The following CCND2 variants were observed in gnomAD, a reference collection of about 807,000 sequenced individuals.
CCND2 encodes the protein G1/S-specific cyclin-D2.
CCND2 carries 6 observed loss-of-function variants against 30.2 expected under a neutral mutation model. That is an observed-to-expected ratio of 0.20 (90% confidence interval 0.11 to 0.39). The LOEUF (loss-of-function observed/expected upper bound fraction) is 0.39, where lower values mean the gene tolerates loss of function less well. CCND2 is among the 10% of genes least tolerant of loss of function. CCND2 has a pLI of 1.00. For missense variants in CCND2, 235 were observed against 373.4 expected (o/e 0.63, Z 3.06); for synonymous variants, 150 against 153.1 (o/e 0.98, Z 0.15).
chr12:4,290,300 T>C (rs185446886), intron 4 of CCND2, among the ~76,000 whole-genome samples: 15 of 152,270 alleles, frequency 9.9e-5, no homozygotes, highest in African/African-American at 3.6e-4. Context: ...AGTTCGTAGA[T>C]ATGGTTTTAA....
intron 4 of CCND2, among the ~76,000 whole-genome samples, chr12:4,291,971 AG>A (rs1434358763): frequency 1.3e-5 from 2 of 152,198 alleles, no homozygotes; most frequent in African/African-American, 4.8e-5. Flanking sequence ...ATGGGGAGTT[AG>A]TGTTTAATGC....
intron 4 of CCND2, among the ~76,000 whole-genome samples, chr12:4,292,043 A>G (rs1228281244): frequency 6.6e-6 from 1 of 152,174 alleles, no homozygotes; most frequent in African/African-American, 2.4e-5. Context: ...TCTGATGGCC[A>G]CACAGCAGTG....
intron 4 of CCND2, among the ~76,000 whole-genome samples, chr12:4,298,788 T>A (rs1395449934): frequency 2.0e-5 from 3 of 152,194 alleles, no homozygotes; most frequent in Non-Finnish European, 4.4e-5. Context: ...AGTCTACGGT[T>A]TGCACCCTCT....
At chr12:4,291,062 C>T (rs114553471) in intron 4 of CCND2, among the ~76,000 whole-genome samples, 147 of 152,232 alleles carry the variant, frequency 9.7e-4, no homozygotes, top group African/African-American at 3.2e-3. Context: ...AGAGTGAACG[C>T]GGTGAAATGT....
At position 4,300,180 on chromosome 12, in the gene CCND2, C is replaced by T. The variant is rs143104448; in HGVS notation, c.*171C>T. The T allele has an allele frequency of 2.8e-3, 1,754 of 637,216 alleles. 7 individuals are homozygous for T. The highest frequency in any genetic ancestry group is 2.5e-3 in the Non-Finnish European group (987 of 387,072). 39.5% of individuals were successfully genotyped at this position (637,216 alleles called of 1,614,324 possible). A position where few individuals can be genotyped will look rare whatever the true frequency, so the allele number is the denominator to read the frequency against. On this transcript the variant is annotated 3_prime_UTR_variant, in exon 5 of 5. Transcript: ENST00000261254. The stretch of plus-strand genomic sequence containing the variant: ...GTGAGAGAAAAAGGTCCTACGAAAA[C>T]GGAATAATAAAAAGCATTTGGTGCC...
rs1459579393 is a variant in CCND2, at chr12:4,282,651, C to A, written c.571+3732C>A. Among the ~76,000 whole-genome samples, 8 of 152,170 alleles carry A rather than the reference C, an allele frequency of 5.3e-5. No individual in the cohort carries two copies. Among genetic ancestry groups the A allele is most frequent in the Non-Finnish European group, 1.2e-4 (8 of 68,014 alleles). On this transcript the variant is annotated intron_variant, in intron 3 of 4. Transcript: ENST00000261254. This position sits in a 1 kb window ranked among gnomAD's most constrained non-coding sequence, Gnocchi z 4.3. ...TAGCATGCCCTGTGGGGACAAGCAGCCAGGCAGTGTGGTGCTTGCCATCGC... is the reference window on the plus strand; with the variant it reads ...TAGCATGCCCTGTGGGGACAAGCAGACAGGCAGTGTGGTGCTTGCCATCGC...
At chr12:4,291,207 C>CTGTGTGTGTG (rs1320194012) in intron 4 of CCND2, among the ~76,000 whole-genome samples, 16,746 of 138,696 alleles carry the variant, frequency 0.12, 1,106 homozygotes, top group African/African-American at 0.13. Context: ...CTGGGCTAGG[C>CTGTGTGTGTG]TGTGTGTGTG....
At position 4,300,732 on chromosome 12, in the gene CCND2, T is replaced by C. The variant is rs10849029; in HGVS notation, c.*723T>C. On this transcript the variant is annotated 3_prime_UTR_variant, in exon 5 of 5. Transcript: ENST00000261254. ...TCCTGCTTCTTCTTCCAAATGCAGT[T>C]CATTGCAGACACCACCATATTGCTA... 1 of 233,758 alleles carries C rather than the reference T, an allele frequency of 4.3e-6. No homozygotes were observed. Among genetic ancestry groups the C allele is most frequent in the East Asian group, 6.0e-5 (1 of 16,592 alleles). 14.5% of individuals were successfully genotyped at this position (233,758 alleles called of 1,614,324 possible). A position where few individuals can be genotyped will look rare whatever the true frequency, so the allele number is the denominator to read the frequency against.
intron 4 of CCND2, among the ~76,000 whole-genome samples, chr12:4,295,731 C>T (rs1014060119): frequency 1.3e-5 from 2 of 152,138 alleles, no homozygotes; most frequent in South Asian, 2.1e-4. Context: ...GAGCCGAGAT[C>T]GCACCATTGC....
chr12:4,284,869 G>A (rs1864001345), intron 3 of CCND2, among the ~76,000 whole-genome samples: 1 of 151,724 alleles, frequency 6.6e-6, no homozygotes, highest in Non-Finnish European at 1.5e-5. Flanking sequence ...CAGAATAGCT[G>A]GGATTACAGG....
Position 4,288,831 on chromosome 12 carries a change from A to C in CCND2, c.572-11A>C, listed in dbSNP as rs1331303175. On this transcript the variant is annotated splice_polypyrimidine_tract_variant and intron_variant, in intron 3 of 4. Transcript: ENST00000261254. ...TCTGTGCCCTGACCTTCTGCCTCTC[A>C]TTCCTTGCAGACTTTAAGTTTGCCA... 8.7e-6 allele frequency: 14 copies of C among 1,605,292 alleles called. No individual in the cohort carries two copies. The highest frequency in any genetic ancestry group is 1.3e-5 in the African/African-American group (1 of 74,424).
At chr12:4,290,661 C>T (rs1864088394) in intron 4 of CCND2, among the ~76,000 whole-genome samples, 1 of 151,316 alleles carries the variant, frequency 6.6e-6, no homozygotes, top group Admixed American at 6.6e-5. Context: ...GACCACCCTA[C>T]CGGCTCCAGC....
chr12:4,279,394 C>T (rs199752092), intron 3 of CCND2, among the ~76,000 whole-genome samples: 303 of 140,586 alleles, frequency 2.2e-3, no homozygotes, highest in South Asian at 3.7e-3. Flanking sequence ...CAAAGAAATT[C>T]TTTTTTTTTT....
chr12:4,291,720 T>TA (rs1864103419), intron 4 of CCND2, among the ~76,000 whole-genome samples: 1 of 152,114 alleles, frequency 6.6e-6, no homozygotes, highest in Non-Finnish European at 1.5e-5. Flanking sequence ...AAACTGTTCT[T>TA]AGAGTAGAGA....
In CCND2 at chr12:4,304,143, A is replaced by T. The variant is rs1425144536; in HGVS notation, c.*4134A>T. ...ATTTTCTCTCCATGGGCCACAGGGG[A>T]CAGGGCTGGGAGAAGAAATAGACTT... On this transcript the variant is annotated 3_prime_UTR_variant, in exon 5 of 5. Transcript: ENST00000261254. This position sits in a 1 kb window ranked among gnomAD's most constrained non-coding sequence, Gnocchi z 6.2. 1 of 233,260 alleles carries T rather than the reference A, an allele frequency of 4.3e-6. No homozygotes were observed. Among genetic ancestry groups the T allele is most frequent in the African/African-American group, 2.2e-5 (1 of 45,334 alleles). 14.4% of individuals were successfully genotyped at this position (233,260 alleles called of 1,614,324 possible).
intron 3 of CCND2, among the ~76,000 whole-genome samples, chr12:4,279,542 A>G (rs1007587830): frequency 1.3e-5 from 2 of 152,042 alleles, no homozygotes; most frequent in African/African-American, 4.8e-5. Flanking sequence ...CCCTCAGTTC[A>G]TGTGGAGGTG....
rs1226201563 is a variant in CCND2, at chr12:4,285,822, C to G, written c.572-3020C>G. Among the ~76,000 whole-genome samples, 2 of 152,164 alleles carry G rather than the reference C, an allele frequency of 1.3e-5. No individual in the cohort carries two copies. Among genetic ancestry groups the G allele is most frequent in the African/African-American group, 4.8e-5 (2 of 41,436 alleles). On this transcript the variant is annotated intron_variant, in intron 3 of 4. Coordinates refer to ENST00000261254, the MANE Select transcript of CCND2 (RefSeq NM_001759.4). This position sits in a 1 kb window ranked among gnomAD's most constrained non-coding sequence, Gnocchi z 4.1. ...TTTTCTCTCTGTTCAGTATCCCCTA[C>G]CAGTAGAGAGGGGGATGTCCTTGAG... is the stretch of plus-strand genomic sequence containing the variant.
chr12:4,275,700 A>G (rs1420700347), intron 1 of CCND2, among the ~76,000 whole-genome samples: 1 of 149,416 alleles, frequency 6.7e-6, no homozygotes, highest in Non-Finnish European at 1.5e-5. Flanking sequence ...AGGAGTAGCC[A>G]AAGGGAGCGT....
rs1864222260 is a variant in CCND2 at position 4,299,775 on chromosome 12, A to G, written c.721-85A>G. On this transcript the variant is annotated intron_variant, in intron 4 of 4. Transcript: ENST00000261254. The surrounding 1 kb of genome is among the most constrained non-coding windows in gnomAD (Gnocchi z 5.2). ...ACTGGAAACTAGCACAGACTTATGC[A>G]AGCTAAATTACGCATGTTTTCTCCG... 1 of 1,324,074 alleles carries G rather than the reference A, an allele frequency of 7.6e-7. No homozygotes were observed. 82.0% of individuals were successfully genotyped at this position (1,324,074 alleles called of 1,614,324 possible). A position where few individuals can be genotyped will look rare whatever the true frequency, so the allele number is the denominator to read the frequency against.
Sources: gnomAD v4.1 joint callset for allele counts (sites outside exome capture counted in the v4.1 genomes callset) on GRCh38, gnomAD v4.1.1 for gene constraint, Gnocchi (gnomAD v3.1) non-coding constraint, MANE v1.5 for transcripts, NCBI Gene and HGNC (gene_info 2026-07-23, HGNC 2026-07-21) for gene names.